Variants in KANSL1 observed in about 807,000 individuals in gnomAD.
KANSL1 encodes the protein MLL1/MLL complex subunit KANSL1.
A neutral mutation model predicts 103.6 loss-of-function variants in KANSL1; 22 were observed. The ratio of observed to expected loss-of-function variants is 0.21; its 90% CI spans 0.15 to 0.30. The LOEUF (loss-of-function observed/expected upper bound fraction) is 0.30, where lower values mean the gene tolerates loss of function less well. Among genes scored for constraint, KANSL1 ranks in the 10% least tolerant of loss-of-function variants. The pLI is 1.00. For missense variants in KANSL1, 1,337 were observed against 1,399.8 expected, an observed-to-expected ratio of 0.96 and a Z score of 0.72; for synonymous variants, 600 against 527.6, an observed-to-expected ratio of 1.14 and a Z score of -1.88.
intron 10 of KANSL1, chr17:46,037,752 A>G (rs1437301619): frequency 2.0e-5 from 3 of 152,248 alleles, no homozygotes; most frequent in African/African-American, 4.8e-5. Context: ...AGACTTTTAC[A>G]TTTACCATTA....
At chr17:46,103,929 G>A (rs1174341085) in intron 2 of KANSL1, among the ~76,000 whole-genome samples, 1 of 152,204 alleles carries the variant, frequency 6.6e-6, no homozygotes, top group African/African-American at 2.4e-5. Context: ...ACGGGAGGCT[G>A]AGGCAGGAGA....
chr17:46,220,479 GT>G (rs1245922241), intron 1 of KANSL1, among the ~76,000 whole-genome samples: 1 of 152,140 alleles, frequency 6.6e-6, no homozygotes, highest in Non-Finnish European at 1.5e-5. Flanking sequence ...GCCTCCCAAA[GT>G]GCTGGGATTA....
chr17:46,156,749 G>C (rs1045393833), intron 2 of KANSL1: 2 of 152,548 alleles, frequency 1.3e-5, no homozygotes, highest in African/African-American at 4.8e-5. Flanking sequence ...AAGTGGAGGG[G>C]AAGGCTGGGA....
chr17:46,212,915 T>TA (rs2048208746), intron 1 of KANSL1, among the ~76,000 whole-genome samples: 1 of 152,252 alleles, frequency 6.6e-6, no homozygotes, highest in South Asian at 2.1e-4. Flanking sequence ...TTCCTTTGAT[T>TA]ACTTATCAGG....
chr17:46,105,945 ACACC>A (rs755479733), intron 2 of KANSL1, among the ~76,000 whole-genome samples: 32,782 of 89,036 alleles, frequency 0.37, 3,082 homozygotes, highest in South Asian at 0.47. Flanking sequence ...ACACACACAC[ACACC>A]CCCCCAGAAG....
Position 46,094,667 on chromosome 17 carries a change from G to T in KANSL1, c.1324C>A (p.Arg442=), listed in dbSNP as rs200720272. 4 of 1,614,100 alleles carry T rather than the reference G, an allele frequency of 2.5e-6. No homozygotes were observed. In the Admixed American group the frequency reaches 5.0e-5, roughly 20 times the overall value. Reference sequence around the variant, plus strand: ...TTCCAGCGGCTGACAATAGCTGCCCGGTCTGCAGCCCATTTCCATTCTGAC... The same window carrying T: ...TTCCAGCGGCTGACAATAGCTGCCCTGTCTGCAGCCCATTTCCATTCTGAC... The part of the protein sequence containing the change: ...RRSEWKWAAD[R]AAIVSRWNWL... The change falls in exon 3 of 15, where the codon CGG becomes AGG. Residue 442 remains arginine (R), a synonymous_variant. Transcript: ENST00000432791.
Position 46,171,661 on chromosome 17 carries a change from C to T in KANSL1, c.483G>A (p.Leu161=). Residue 161 remains leucine (L), a synonymous_variant, in exon 2 of 15, where the codon TTG becomes TTA. Coordinates refer to ENST00000432791, the MANE Select transcript of KANSL1 (RefSeq NM_015443.4). ...GATCAGAATGTGTTGAACTTTTAGT[C>T]AATTTCTTAGCCAACCCATTTACAG... ...QAPVNGLAKK[L]TKSSTHSDHD... is the part of the protein sequence containing the mutation. 6.4e-7 allele frequency: 1 copy of T among 1,552,462 alleles called. No homozygotes were observed. Among genetic ancestry groups the T allele is most frequent in the African/African-American group, 1.4e-5 (1 of 72,388 alleles).
At chr17:46,100,598 G>T (rs2042270668) in intron 2 of KANSL1, among the ~76,000 whole-genome samples, 1 of 152,130 alleles carries the variant, frequency 6.6e-6, no homozygotes, top group Admixed American at 6.5e-5. Flanking sequence ...TAGTCAATGG[G>T]TTTAAAAGGG....
At chr17:46,041,866 T>G (rs571468264) in intron 7 of KANSL1, 35 of 148,874 alleles carry the variant, frequency 2.4e-4, no homozygotes, top group African/African-American at 8.7e-4. Context: ...CTAGAACTAT[T>G]AGAAATTTAT....
intron 1 of KANSL1, among the ~76,000 whole-genome samples, chr17:46,187,236 T>TA (rs1468825341): frequency 2.6e-5 from 4 of 152,244 alleles, no homozygotes; most frequent in Non-Finnish European, 5.9e-5. Context: ...ACAAAATTGT[T>TA]ATTCCTCTTT....
chr17:46,176,959 A>T (rs1328750561), intron 1 of KANSL1, among the ~76,000 whole-genome samples: 1 of 152,178 alleles, frequency 6.6e-6, no homozygotes, highest in Non-Finnish European at 1.5e-5. Context: ...CTAAATCTTG[A>T]GATTTCTATA....
At chr17:46,060,722 A>C (rs1276908274) in intron 6 of KANSL1, among the ~76,000 whole-genome samples, 2 of 152,196 alleles carry the variant, frequency 1.3e-5, no homozygotes, top group Non-Finnish European at 2.9e-5. Flanking sequence ...ACTGGATTTA[A>C]ATAGGTGGAA....
At chr17:46,148,590 C>CTTCTT (rs1555566557) in intron 2 of KANSL1, among the ~76,000 whole-genome samples, 20 of 145,170 alleles carry the variant, frequency 1.4e-4, no homozygotes, top group Non-Finnish European at 2.9e-4. Context: ...CTTCACTTAC[C>CTTCTT]TTTTTTTTTT....
intron 2 of KANSL1, among the ~76,000 whole-genome samples, chr17:46,125,583 G>A (rs1410913897): frequency 6.6e-6 from 1 of 152,138 alleles, no homozygotes; most frequent in Non-Finnish European, 1.5e-5. Flanking sequence ...GGGGTGTATG[G>A]CTCCTATCTC....
At chr17:46,215,666 T>A (rs2048317392) in intron 1 of KANSL1, among the ~76,000 whole-genome samples, 1 of 152,234 alleles carries the variant, frequency 6.6e-6, no homozygotes, top group South Asian at 2.1e-4. Flanking sequence ...TTTGAGTGAC[T>A]GGCTGGGTGA....
At chr17:46,104,011 G>A (rs545883541) in intron 2 of KANSL1, among the ~76,000 whole-genome samples, 5 of 151,916 alleles carry the variant, frequency 3.3e-5, no homozygotes, top group African/African-American at 1.2e-4. Flanking sequence ...CTGGGCGACA[G>A]AGTGAGACTC....
At chr17:46,049,745 CAG>C (rs899349822) in intron 7 of KANSL1, 3 of 152,234 alleles carry the variant, frequency 2.0e-5, no homozygotes, top group African/African-American at 7.2e-5. Context: ...CTGTCAGACA[CAG>C]AGATTTAACA....
At chr17:46,133,771 C>G (rs142555432) in intron 2 of KANSL1, among the ~76,000 whole-genome samples, 1 of 152,144 alleles carries the variant, frequency 6.6e-6, no homozygotes, top group East Asian at 1.9e-4. Flanking sequence ...GTTTTTTAAC[C>G]AAAGAAATGA....
At chr17:46,100,625 CTCTTTTG>C (rs1210083463) in intron 2 of KANSL1, among the ~76,000 whole-genome samples, 13 of 152,148 alleles carry the variant, frequency 8.5e-5, no homozygotes, top group Non-Finnish European at 1.5e-4. Flanking sequence ...AATAGATCAA[CTCTTTTG>C]TATTTATTAG....
Sources: gnomAD v4.1 joint callset for allele counts (sites outside exome capture counted in the v4.1 genomes callset) on GRCh38, gnomAD v4.1.1 for gene constraint, MANE v1.5 for transcripts, NCBI Gene and HGNC (gene_info 2026-07-23, HGNC 2026-07-21) for gene names.